DLG2: variants seen among roughly 807,000 people sequenced by gnomAD.
DLG2 encodes the protein discs large MAGUK scaffold protein 2, also known as disks large homolog 2.
In DLG2, 45 loss-of-function variants were observed where a neutral mutation model predicts 132.5. The ratio of observed to expected loss-of-function variants is 0.34; its 90% CI spans 0.27 to 0.44. The LOEUF (loss-of-function observed/expected upper bound fraction) is 0.44, where lower values mean the gene tolerates loss of function less well. Ranked by LOEUF, DLG2 falls within the 20% of genes least tolerant of loss-of-function variation. DLG2 has a pLI of 1.00. For synonymous variants in DLG2, 424 were observed against 419.6 expected (o/e 1.01, Z -0.13); for missense variants, 1,045 against 1,196.9 (o/e 0.87, Z 1.87).
chr11:83,895,445 C>T (rs2071378920), intron 15 of DLG2, among the ~76,000 whole-genome samples: 1 of 152,160 alleles, frequency 6.6e-6, no homozygotes, highest in Admixed American at 6.5e-5. Flanking sequence ...CAGGCGTGAG[C>T]CACCGCGTCC....
intron 15 of DLG2, among the ~76,000 whole-genome samples, chr11:83,881,017 C>G (rs1369478725): frequency 6.9e-6 from 1 of 144,992 alleles, no homozygotes; most frequent in African/African-American, 2.6e-5. Context: ...TAAGTTGGTG[C>G]AAAAGTAATA....
chr11:83,668,700 T>C (rs35589467), intron 18 of DLG2, among the ~76,000 whole-genome samples: 241 of 14,284 alleles, frequency 0.017, no homozygotes, highest in South Asian at 0.034. Flanking sequence ...TATGTGTATA[T>C]AAACACATAT....
chr11:84,872,766 T>G (rs894195447), intron 6 of DLG2, among the ~76,000 whole-genome samples: 1 of 152,210 alleles, frequency 6.6e-6, no homozygotes, highest in Non-Finnish European at 1.5e-5. Flanking sequence ...CAAGGTAATT[T>G]CTATTAGATC....
intron 6 of DLG2, among the ~76,000 whole-genome samples, chr11:84,895,206 T>C (rs955326920): frequency 7.2e-5 from 11 of 152,216 alleles, no homozygotes; most frequent in African/African-American, 1.7e-4. Context: ...ATTAAAATAT[T>C]AATATTAGTT....
intron 7 of DLG2, among the ~76,000 whole-genome samples, chr11:84,449,203 T>C (rs1010283051): frequency 2.0e-5 from 3 of 151,920 alleles, no homozygotes; most frequent in Non-Finnish European, 2.9e-5. Flanking sequence ...AAGTGATCTT[T>C]TGCAAAATAC....
chr11:84,820,733 T>C (rs2153982960), intron 6 of DLG2, among the ~76,000 whole-genome samples: 1 of 151,888 alleles, frequency 6.6e-6, no homozygotes, highest in Non-Finnish European at 1.5e-5. Flanking sequence ...AAATACCTTT[T>C]TTTTTTTGAG....
intron 7 of DLG2, among the ~76,000 whole-genome samples, chr11:84,502,515 CTTCCCAAGTAGCTG>C (rs1278025179): frequency 1.3e-5 from 2 of 150,558 alleles, no homozygotes; most frequent in African/African-American, 4.9e-5. Context: ...CGTTATTCAG[CTTCCCAAGTAGCTG>C]GGACTACAGG....
intron 9 of DLG2, among the ~76,000 whole-genome samples, chr11:84,150,453 T>G (rs1439085057): frequency 1.3e-5 from 2 of 152,206 alleles, no homozygotes; most frequent in African/African-American, 2.4e-5. Flanking sequence ...GCTTCATCAG[T>G]TCTAGGAGCT....
At chr11:85,229,949 G>A (rs2075204266) in intron 4 of DLG2, among the ~76,000 whole-genome samples, 1 of 151,958 alleles carries the variant, frequency 6.6e-6, no homozygotes, top group Admixed American at 6.6e-5. Flanking sequence ...TGGACACAAA[G>A]AGGGGAGCAT....
intron 10 of DLG2, 30 bp from the exon 11 acceptor site, chr11:84,059,514 G>A (rs1186882369): frequency 1.2e-5 from 18 of 1,506,438 alleles, no homozygotes; most frequent in Non-Finnish European, 1.4e-5. Flanking sequence ...TCAAGATTCA[G>A]AAGTGGCTAG....
At chr11:84,308,123 T>G (rs1240661757) in intron 7 of DLG2, among the ~76,000 whole-genome samples, 1 of 152,100 alleles carries the variant, frequency 6.6e-6, no homozygotes, top group Non-Finnish European at 1.5e-5. Flanking sequence ...GCTTTTATTC[T>G]CTTATCTGGC....
intron 6 of DLG2, among the ~76,000 whole-genome samples, chr11:84,738,061 C>T (rs981419129): frequency 3.3e-5 from 5 of 151,856 alleles, no homozygotes; most frequent in African/African-American, 7.3e-5. Context: ...TAGAGCGCAG[C>T]GTAAACTGGG....
At chr11:83,832,992 T>A (rs954268848) in intron 17 of DLG2, among the ~76,000 whole-genome samples, 3 of 152,172 alleles carry the variant, frequency 2.0e-5, no homozygotes, top group Admixed American at 6.5e-5. Context: ...TTAAATAAAA[T>A]AAGTAATATA....
chr11:84,905,643 G>A (rs555960877), intron 6 of DLG2, among the ~76,000 whole-genome samples: 44 of 152,262 alleles, frequency 2.9e-4, no homozygotes, highest in Non-Finnish European at 5.7e-4. Context: ...GTCTCCATGT[G>A]CCTCAGGCCA....
chr11:84,461,378 T>C (rs1197375784), intron 7 of DLG2, among the ~76,000 whole-genome samples: 1 of 150,990 alleles, frequency 6.6e-6, no homozygotes, highest in Non-Finnish European at 1.5e-5. Context: ...ATAGGTATTA[T>C]TTTTGCCTCT....
At chr11:84,226,164 G>A (rs1035423958) in intron 8 of DLG2, among the ~76,000 whole-genome samples, 2 of 152,124 alleles carry the variant, frequency 1.3e-5, no homozygotes, top group Non-Finnish European at 2.9e-5. Flanking sequence ...AATTTGGTTA[G>A]ACTTCTAACT....
intron 18 of DLG2, among the ~76,000 whole-genome samples, chr11:83,696,731 T>C (rs555856542): frequency 3.3e-5 from 5 of 152,258 alleles, no homozygotes; most frequent in African/African-American, 9.6e-5. Flanking sequence ...ATTGAGTAAA[T>C]GACTATGTGC....
rs138759066 is a variant in DLG2 at position 84,846,273 on chromosome 11, T to C, written c.357+265388A>G. Reference sequence around the variant, plus strand: ...TATGTGTCTAACATATCTCTTAAACTTAACAAGTCCAAAACAGAACTATAG... The same window carrying C: ...TATGTGTCTAACATATCTCTTAAACCTAACAAGTCCAAAACAGAACTATAG... On this transcript the variant is annotated intron_variant, in intron 6 of 27. Coordinates refer to ENST00000376104, the MANE Select transcript of DLG2 (RefSeq NM_001142699.3). 2.6e-3 allele frequency among the ~76,000 whole-genome samples: 399 copies of C among 152,262 alleles called. 2 individuals carry two copies. Among genetic ancestry groups the C allele is most frequent in the African/African-American group, 9.4e-3 (389 of 41,562 alleles).
intron 6 of DLG2, among the ~76,000 whole-genome samples, chr11:84,943,900 CTCTT>C (rs1247019886): frequency 1.3e-5 from 2 of 152,118 alleles, no homozygotes; most frequent in Admixed American, 6.5e-5. Flanking sequence ...CTAAAGAACT[CTCTT>C]TAGCATTTCT....
Sources: gnomAD v4.1 joint callset for allele counts (sites outside exome capture counted in the v4.1 genomes callset) on GRCh38, gnomAD v4.1.1 for gene constraint, MANE v1.5 for transcripts, NCBI Gene and HGNC (gene_info 2026-07-23, HGNC 2026-07-21) for gene names.